The following TTC39B variants were observed in gnomAD, a reference collection of about 807,000 sequenced individuals.
TTC39B encodes the protein tetratricopeptide repeat protein 39B.
Under a neutral mutation model 96.6 loss-of-function variants are expected in TTC39B, and 92 were observed. The observed-to-expected ratio is 0.95, with a 90% CI of 0.80 to 1.13. The LOEUF is 1.13. Ranked by LOEUF, TTC39B falls within the 50% of genes most tolerant of loss-of-function variation. The probability of loss-of-function intolerance (pLI) is 0.00; values close to 1 mark genes in which losing one functional copy is unlikely to be tolerated. For missense variants in TTC39B, 955 were observed against 809.3 expected, an observed-to-expected ratio of 1.18 and a Z score of -2.18; for synonymous variants, 367 against 299.4, an observed-to-expected ratio of 1.23 and a Z score of -2.33.
In TTC39B at chr9:15,273,542, G is replaced by A. The variant is rs185205276; in HGVS notation, c.241-5594C>T. On this transcript the variant is annotated intron_variant, in intron 1 of 19. Coordinates refer to ENST00000512701, the Ensembl canonical transcript of TTC39B. ...CCTCCATTTTACCATCTTTCTCATAGGGATGACTTCACAGGCCTGAGAACA... is the reference window on the plus strand; with the variant it reads ...CCTCCATTTTACCATCTTTCTCATAAGGATGACTTCACAGGCCTGAGAACA... Among the ~76,000 whole-genome samples, 192 of 152,160 alleles carry A rather than the reference G, an allele frequency of 1.3e-3. 1 individual carries two copies. Among genetic ancestry groups the A allele is most frequent in the African/African-American group, 3.7e-3 (152 of 41,510 alleles).
intron 2 of TTC39B, among the ~76,000 whole-genome samples, chr9:15,242,940 G>A (rs1038426679): frequency 3.9e-5 from 6 of 152,176 alleles, no homozygotes; most frequent in Non-Finnish European, 8.8e-5. Context: ...GTGAGTGGCC[G>A]CTGGATCTCA....
rs193200857 is a variant in TTC39B at position 15,170,473 on chromosome 9, C to T, written c.*1546G>A. 178 of 152,232 alleles carry T rather than the reference C, an allele frequency of 1.2e-3. 1 individual carries two copies. Among genetic ancestry groups the T allele is most frequent in the African/African-American group, 4.1e-3 (170 of 41,514 alleles). The allele number at this position is 152,232 out of a possible 1,614,324, so 9.4% of individuals were successfully genotyped here. A position where few individuals can be genotyped will look rare whatever the true frequency, so the allele number is the denominator to read the frequency against. ...AAAAACCATAATTATTATAATAATT[C>T]ATACTTTTGTATAGCCTTTTACAGT... On this transcript the variant is annotated 3_prime_UTR_variant, in exon 20 of 20. Transcript: ENST00000512701.
chr9:15,204,001 C>T, intron 6 of TTC39B, 111 bp from the exon 7 acceptor site: 2 of 875,370 alleles, frequency 2.3e-6, no homozygotes, highest in Non-Finnish European at 3.4e-6. Flanking sequence ...GACCCCAAAA[C>T]TTAGATTGCC....
At chr9:15,181,738 A>G (rs955357133) in intron 17 of TTC39B, among the ~76,000 whole-genome samples, 3 of 152,198 alleles carry the variant, frequency 2.0e-5, no homozygotes, top group African/African-American at 7.2e-5. Context: ...AGCAAACTCA[A>G]CCCAGAGGGA....
At chr9:15,205,727 A>G (rs954887050) in intron 6 of TTC39B, among the ~76,000 whole-genome samples, 4 of 151,912 alleles carry the variant, frequency 2.6e-5, no homozygotes, top group Non-Finnish European at 5.9e-5. Flanking sequence ...CAGAGTGAGA[A>G]CCAGGAATTA....
At chr9:15,198,484 A>ATC (rs1819321634) in intron 8 of TTC39B, among the ~76,000 whole-genome samples, 1 of 148,696 alleles carries the variant, frequency 6.7e-6, no homozygotes, top group African/African-American at 2.5e-5. Flanking sequence ...ATATATATAT[A>ATC]TATCATAAAG....
chr9:15,225,437 A>G (rs996653294), intron 3 of TTC39B, among the ~76,000 whole-genome samples: 1 of 152,172 alleles, frequency 6.6e-6, no homozygotes, highest in African/African-American at 2.4e-5. Context: ...GTAAGAAAGA[A>G]ATAATCATAA....
In TTC39B at chr9:15,241,742, CT is replaced by C. The variant is rs5896669; in HGVS notation, c.276-15731del. On this transcript the variant is annotated intron_variant, in intron 2 of 19. Coordinates refer to ENST00000512701, the Ensembl canonical transcript of TTC39B. ...TTTCGTAAGTTTCTTTTAATTAACT[CT>C]TTTTTTTTTTTTTTTTTGAGACAGA... Among the ~76,000 whole-genome samples the C allele has an allele frequency of 1.4e-3, 182 of 129,134 alleles. 1 individual carries two copies. The highest frequency in any genetic ancestry group is 4.1e-3 in the Middle Eastern group (1 of 244). The allele number at this position is 129,134 out of a possible 152,430, so 84.7% of individuals were successfully genotyped here. A position where few individuals can be genotyped will look rare whatever the true frequency, so the allele number is the denominator to read the frequency against.
intron 6 of TTC39B, among the ~76,000 whole-genome samples, chr9:15,204,765 CT>C (rs1179977518): frequency 2.0e-5 from 3 of 152,138 alleles, no homozygotes; most frequent in Non-Finnish European, 4.4e-5. Context: ...AGAGGTAGCA[CT>C]ACCCCAGTTT....
At chr9:15,257,849 C>T (rs1032856102) in intron 2 of TTC39B, among the ~76,000 whole-genome samples, 1 of 151,956 alleles carries the variant, frequency 6.6e-6, no homozygotes, top group African/African-American at 2.4e-5. Flanking sequence ...CATCTGAGAT[C>T]GGGAGTTCGA....
At chr9:15,275,650 T>C (rs1823515845) in intron 1 of TTC39B, among the ~76,000 whole-genome samples, 1 of 151,976 alleles carries the variant, frequency 6.6e-6, no homozygotes, top group Admixed American at 6.6e-5. Flanking sequence ...CATCAGGAGA[T>C]AGAGGAAGGG....
chr9:15,221,717 A>G (rs149014153), intron 3 of TTC39B, among the ~76,000 whole-genome samples: 95 of 152,350 alleles, frequency 6.2e-4, no homozygotes, highest in African/African-American at 2.0e-3. Context: ...GTTAATTAAC[A>G]GAAAGAGTTG....
chr9:15,174,170 A>T (rs113260421), intron 19 of TTC39B, among the ~76,000 whole-genome samples: 1 of 152,210 alleles, frequency 6.6e-6, no homozygotes, highest in Non-Finnish European at 1.5e-5. Flanking sequence ...TATACCACTG[A>T]TATTTTTCTT....
At chr9:15,254,434 T>C (rs770724584) in intron 2 of TTC39B, among the ~76,000 whole-genome samples, 12 of 152,216 alleles carry the variant, frequency 7.9e-5, no homozygotes, top group Admixed American at 2.0e-4. Flanking sequence ...TGCTCTTCAA[T>C]ATATTATATG....
At chr9:15,267,870 T>C (rs747204769) in intron 2 of TTC39B, 44 bp downstream of exon 2, 1 of 1,533,038 alleles carries the variant, frequency 6.5e-7, no homozygotes, top group African/African-American at 1.4e-5. Flanking sequence ...AAGACAACCA[T>C]CAATTTTTCC....
exon 20 of TTC39B, chr9:15,169,814 T>C (rs1404713807): frequency 1.3e-5 from 2 of 152,204 alleles, no homozygotes; most frequent in African/African-American, 2.4e-5. Context: ...TTCTTTTATA[T>C]TTGTTTAGTA....
chr9:15,214,974 T>C (rs1233217045), intron 3 of TTC39B, among the ~76,000 whole-genome samples: 1 of 152,148 alleles, frequency 6.6e-6, no homozygotes, highest in East Asian at 1.9e-4. Context: ...TGATAAGAAA[T>C]AAACCAGCAC....
At chr9:15,183,875 C>T (rs1485716456) in intron 16 of TTC39B, among the ~76,000 whole-genome samples, 2 of 152,114 alleles carry the variant, frequency 1.3e-5, no homozygotes, top group East Asian at 1.9e-4. Flanking sequence ...TGTCTTGCTC[C>T]GTCACAGTCA....
At chr9:15,303,106 T>G (rs550721140) in intron 1 of TTC39B, among the ~76,000 whole-genome samples, 1 of 152,060 alleles carries the variant, frequency 6.6e-6, no homozygotes, top group Admixed American at 6.5e-5. Context: ...AGGCAGAGGT[T>G]GCAGTGAGCC....
Sources: allele counts gnomAD v4.1 joint callset (sites outside exome capture counted in the v4.1 genomes callset), GRCh38; gene constraint gnomAD v4.1.1; transcripts MANE v1.5; gene names NCBI Gene and HGNC (gene_info 2026-07-23, HGNC 2026-07-21).